Variants in GRXCR1 observed in about 807,000 individuals in gnomAD.
The protein encoded by GRXCR1 is glutaredoxin domain-containing cysteine-rich protein 1.
A neutral mutation model predicts 27.3 loss-of-function variants in GRXCR1; 27 were observed. That is an observed-to-expected ratio of 0.99 (90% CI 0.73 to 1.37). The LOEUF is 1.37. Ranked by LOEUF, GRXCR1 falls within the 40% of genes most tolerant of loss-of-function variation. GRXCR1 has a pLI of 0.00. For synonymous variants in GRXCR1, 122 were observed against 131.1 expected (o/e 0.93, Z 0.47); for missense variants, 379 against 354.4 (o/e 1.07, Z -0.56).
At chr4:42,987,222 T>TATATTATATATA (rs369022273) in intron 2 of GRXCR1, among the ~76,000 whole-genome samples, 14 of 100,594 alleles carry the variant, frequency 1.4e-4, no homozygotes, top group East Asian at 2.8e-4. Context: ...TATATATATA[T>TATATTATATATA]TATATATTAT....
intron 1 of GRXCR1, among the ~76,000 whole-genome samples, chr4:42,911,620 T>C (rs1399851136): frequency 6.6e-6 from 1 of 151,986 alleles, no homozygotes; most frequent in African/African-American, 2.4e-5. Context: ...TTAAACAGTG[T>C]GTGTAGTGAT....
rs1713229877 is a variant in GRXCR1, at chr4:43,025,619, G to A, written c.694-4742G>A. Among the ~76,000 whole-genome samples, 5 of 152,224 alleles carry A rather than the reference G, an allele frequency of 3.3e-5. 1 individual carries two copies. The South Asian group carries it at 1.0e-3, about 31-fold the overall frequency. On this transcript the variant is annotated intron_variant, in intron 3 of 3. Coordinates refer to ENST00000399770, the MANE Select transcript of GRXCR1 (RefSeq NM_001080476.3). ...TACTCTGTGTGCTATTCTCAACCAG[G>A]TCTGCCTGGATTCTTAATTGCTTGC...
chr4:42,923,224 C>T (rs559263999), intron 1 of GRXCR1, among the ~76,000 whole-genome samples: 2 of 152,262 alleles, frequency 1.3e-5, no homozygotes, highest in African/African-American at 4.8e-5. Flanking sequence ...CAATGGTCCT[C>T]TGTCCCCCTT....
At chr4:42,953,734 CTG>C (rs1477699956) in intron 1 of GRXCR1, among the ~76,000 whole-genome samples, 1 of 152,002 alleles carries the variant, frequency 6.6e-6, no homozygotes, top group Admixed American at 6.6e-5. Context: ...AGGTTGAAGA[CTG>C]TGGATTTGGA....
At position 42,951,200 on chromosome 4, in the gene GRXCR1, A is replaced by C. The variant is rs947797473; in HGVS notation, c.385-11692A>C. On this transcript the variant is annotated intron_variant, in intron 1 of 3. Transcript: ENST00000399770. ...GCCAGGTAGAGAGAAGGCAAATCCAACCTTCCTCTGCCTTTTTGTTCTATT... is the reference window on the plus strand; with the variant it reads ...GCCAGGTAGAGAGAAGGCAAATCCACCCTTCCTCTGCCTTTTTGTTCTATT... Among the ~76,000 whole-genome samples, 411 of 152,250 alleles carry C rather than the reference A, an allele frequency of 2.7e-3. 4 individuals are homozygous for C. Among genetic ancestry groups the C allele is most frequent in the Non-Finnish European group, 2.6e-4 (18 of 68,014 alleles).
At chr4:42,962,813 C>A in intron 1 of GRXCR1, 79 bp from the exon 2 acceptor site, 1 of 1,545,744 alleles carries the variant, frequency 6.5e-7, no homozygotes, top group Non-Finnish European at 8.9e-7. Flanking sequence ...GGCTTTAACG[C>A]AATTTTTAAT....
chr4:43,027,214 C>T (rs1419110133), intron 3 of GRXCR1, among the ~76,000 whole-genome samples: 1 of 152,152 alleles, frequency 6.6e-6, no homozygotes, highest in Non-Finnish European at 1.5e-5. Context: ...TGCTGTTCAC[C>T]TCCCATGAAT....
chr4:42,986,965 C>A (rs146030170), intron 2 of GRXCR1, among the ~76,000 whole-genome samples: 172 of 150,482 alleles, frequency 1.1e-3, no homozygotes, highest in Non-Finnish European at 2.1e-3. Flanking sequence ...TAAACACAGT[C>A]CCTGCCATCT....
intron 2 of GRXCR1, among the ~76,000 whole-genome samples, chr4:43,013,880 C>T (rs1160754): frequency 0.014 from 2,118 of 152,038 alleles, 50 homozygotes; most frequent in African/African-American, 0.048. Context: ...TACACCCTTG[C>T]GAACATCTAG....
chr4:42,999,982 T>C (rs1360854691), intron 2 of GRXCR1, among the ~76,000 whole-genome samples: 1 of 152,226 alleles, frequency 6.6e-6, no homozygotes, highest in African/African-American at 2.4e-5. Context: ...ATTTCCATGG[T>C]TTCAGTTACT....
At chr4:42,910,510 G>T (rs918577169) in intron 1 of GRXCR1, among the ~76,000 whole-genome samples, 1 of 152,102 alleles carries the variant, frequency 6.6e-6, no homozygotes, top group Non-Finnish European at 1.5e-5. Context: ...GTGGGCTTCC[G>T]TGAATGCCCC....
intron 3 of GRXCR1, among the ~76,000 whole-genome samples, chr4:43,028,973 T>C (rs754877254): frequency 6.6e-5 from 10 of 152,198 alleles, no homozygotes; most frequent in Non-Finnish European, 1.3e-4. Context: ...TTTAGCCATC[T>C]TGATATAATA....
intron 1 of GRXCR1, among the ~76,000 whole-genome samples, chr4:42,916,847 A>G (rs1746897083): frequency 6.6e-6 from 1 of 152,128 alleles, no homozygotes; most frequent in Non-Finnish European, 1.5e-5. Context: ...TGCCTGAATC[A>G]GTTTTTAGAA....
chr4:43,026,137 C>T (rs927874016), intron 3 of GRXCR1, among the ~76,000 whole-genome samples: 3 of 152,130 alleles, frequency 2.0e-5, no homozygotes, highest in East Asian at 3.9e-4. Context: ...ATTCCTCCAA[C>T]TCCAAACTTT....
chr4:42,924,303 A>G (rs10011499), intron 1 of GRXCR1, among the ~76,000 whole-genome samples: 1,942 of 152,146 alleles, frequency 0.013, 50 homozygotes, highest in African/African-American at 0.044. Flanking sequence ...AAACACACAT[A>G]TGTGTGTGTG....
intron 1 of GRXCR1, among the ~76,000 whole-genome samples, chr4:42,895,794 G>T (rs1395991623): frequency 6.6e-6 from 1 of 152,012 alleles, no homozygotes; most frequent in Non-Finnish European, 1.5e-5. Context: ...ATTCCCATAG[G>T]CATCCCACAG....
intron 1 of GRXCR1, among the ~76,000 whole-genome samples, chr4:42,956,996 G>C (rs1748019891): frequency 6.6e-6 from 1 of 151,984 alleles, no homozygotes; most frequent in Non-Finnish European, 1.5e-5. Context: ...TACCTATCTA[G>C]AGTCACTTAA....
At chr4:42,940,412 C>T (rs112547184) in intron 1 of GRXCR1, among the ~76,000 whole-genome samples, 1 of 152,002 alleles carries the variant, frequency 6.6e-6, no homozygotes, top group Non-Finnish European at 1.5e-5. Context: ...ATGAACACCC[C>T]AAAACTGACT....
intron 1 of GRXCR1, among the ~76,000 whole-genome samples, chr4:42,916,478 T>C (rs1018404977): frequency 6.6e-6 from 1 of 152,186 alleles, no homozygotes; most frequent in South Asian, 2.1e-4. Context: ...TTTCATACCA[T>C]TGACATTGTG....
Sources: gnomAD v4.1 joint callset for allele counts (sites outside exome capture counted in the v4.1 genomes callset) on GRCh38, gnomAD v4.1.1 for gene constraint, MANE v1.5 for transcripts, NCBI Gene and HGNC (gene_info 2026-07-23, HGNC 2026-07-21) for gene names.